The following TMEM132D variants were observed in gnomAD, a reference collection of about 807,000 sequenced individuals.
The protein encoded by TMEM132D is mature OL transmembrane protein.
A neutral mutation model predicts 62.3 loss-of-function variants in TMEM132D; 21 were observed. The ratio of observed to expected loss-of-function variants is 0.34; its 90% confidence interval spans 0.24 to 0.49. The LOEUF is 0.49. Among genes scored for constraint, TMEM132D ranks in the 20% least tolerant of loss-of-function variants. TMEM132D has a pLI of 0.99. For missense variants in TMEM132D, 1,346 were observed against 1,402.8 expected (o/e 0.96, Z 0.65); for synonymous variants, 621 against 575.6 (o/e 1.08, Z -1.13).
chr12:129,090,942 A>G (rs947728003), intron 5 of TMEM132D, among the ~76,000 whole-genome samples: 15 of 152,134 alleles, frequency 9.9e-5, no homozygotes, highest in Admixed American at 8.5e-4. Context: ...TAATAGAGAA[A>G]TGTTTCTCTC....
At chr12:129,367,201 A>G (rs985835344) in intron 3 of TMEM132D, among the ~76,000 whole-genome samples, 9 of 152,224 alleles carry the variant, frequency 5.9e-5, no homozygotes, top group African/African-American at 2.2e-4. Context: ...TTGCTGGTGT[A>G]TAGAATAAAG....
chr12:129,197,685 A>G (rs991831332), intron 5 of TMEM132D, among the ~76,000 whole-genome samples: 41 of 152,228 alleles, frequency 2.7e-4, no homozygotes, highest in African/African-American at 9.6e-4. Context: ...CTGCAAAACT[A>G]CTAGAAGAAA....
chr12:129,223,751 C>T (rs1455024115), intron 4 of TMEM132D, among the ~76,000 whole-genome samples: 2 of 152,304 alleles, frequency 1.3e-5, no homozygotes, highest in African/African-American at 4.8e-5. Context: ...CTAACTTTTA[C>T]TTTTATACTC....
intron 5 of TMEM132D, among the ~76,000 whole-genome samples, chr12:129,108,499 T>TG (rs1400768037): frequency 6.6e-6 from 1 of 152,162 alleles, no homozygotes; most frequent in Non-Finnish European, 1.5e-5. Flanking sequence ...AGCTTGTGGC[T>TG]GGGCTGTAAT....
chr12:129,452,384 G>C (rs1461153526), intron 3 of TMEM132D, among the ~76,000 whole-genome samples: 1 of 152,196 alleles, frequency 6.6e-6, no homozygotes, highest in Non-Finnish European at 1.5e-5. Flanking sequence ...AAAAGTAGCT[G>C]CTGTTTCATC....
intron 5 of TMEM132D, among the ~76,000 whole-genome samples, chr12:129,183,748 C>T (rs926641321): frequency 2.0e-5 from 3 of 152,070 alleles, no homozygotes; most frequent in Non-Finnish European, 4.4e-5. Context: ...TGGTGGCTGT[C>T]CCCTTGGGTA....
intron 3 of TMEM132D, among the ~76,000 whole-genome samples, chr12:129,475,905 A>C (rs957839082): frequency 6.6e-6 from 1 of 152,254 alleles, no homozygotes; most frequent in African/African-American, 2.4e-5. Flanking sequence ...CGGCAATTGC[A>C]TTCCTTGACA....
chr12:129,672,118 T>C (rs1417423898), intron 2 of TMEM132D, among the ~76,000 whole-genome samples: 1 of 152,146 alleles, frequency 6.6e-6, no homozygotes, highest in Non-Finnish European at 1.5e-5. Context: ...TCCAAGAACA[T>C]AGTCCTGAAG....
intron 1 of TMEM132D, among the ~76,000 whole-genome samples, chr12:129,862,390 G>A (rs536899694): frequency 6.6e-6 from 1 of 152,216 alleles, no homozygotes; most frequent in African/African-American, 2.4e-5. Context: ...GGAGCCAAGA[G>A]CGAAGGCGTT....
chr12:129,746,595 G>C (rs1869786253), intron 1 of TMEM132D, among the ~76,000 whole-genome samples: 1 of 152,142 alleles, frequency 6.6e-6, no homozygotes, highest in African/African-American at 2.4e-5. Flanking sequence ...TCTCAGCAAA[G>C]AAATGCTATT....
At position 129,794,253 on chromosome 12, in the gene TMEM132D, ATTTTT is replaced by A. The variant is rs3046861; in HGVS notation, c.80-93560_80-93556del. ...ACAGGCGTGCACCACCATGCCCAGC[ATTTTT>A]TTTTTTTTTTTTTTTGTATTTTTGG... On this transcript the variant is annotated intron_variant, in intron 1 of 8. Transcript: ENST00000422113. Among the ~76,000 whole-genome samples the A allele has an allele frequency of 4.7e-3, 528 of 111,558 alleles. 4 individuals carry two copies. The highest frequency in any genetic ancestry group is 0.017 in the African/African-American group (501 of 29,586). 73.2% of individuals were successfully genotyped at this position (111,558 alleles called of 152,430 possible).
At chr12:129,835,161 T>C (rs970895636) in intron 1 of TMEM132D, among the ~76,000 whole-genome samples, 1 of 152,142 alleles carries the variant, frequency 6.6e-6, no homozygotes, top group Admixed American at 6.5e-5. Context: ...ACAGCCCTAG[T>C]GCAAGGAGAT....
At position 129,700,107 on chromosome 12, in the gene TMEM132D, A is replaced by G. The variant is rs757795019; in HGVS notation, c.671T>C (p.Val224Ala). The G allele has an allele frequency of 5.6e-6, 9 of 1,613,378 alleles. No homozygotes were observed. The East Asian group carries it at 2.0e-4, about 36-fold the overall frequency. ...KSVDQPEGTP[V>A]ELYYTVHPGG... ...TGGGTGCACGGTGTAGTAGAGCTCC[A>G]CGGGGGTCCCCTCCGGCTGGTCCAC... The change falls in exon 2 of 9, where the codon GTG becomes GCG. Residue 224 changes from valine to alanine, a missense_variant. Physicochemically the swap from Val to Ala is moderately conservative, Grantham distance 64 (BLOSUM62 0). Coordinates refer to ENST00000422113, the MANE Select transcript of TMEM132D (RefSeq NM_133448.3).
chr12:129,374,982 C>T (rs982831757), intron 3 of TMEM132D, among the ~76,000 whole-genome samples: 4 of 152,156 alleles, frequency 2.6e-5, no homozygotes, highest in Non-Finnish European at 5.9e-5. Flanking sequence ...CCCTCCCTAC[C>T]GGGGCACATT....
chr12:129,750,155 G>A (rs982354172), intron 1 of TMEM132D, among the ~76,000 whole-genome samples: 4 of 151,736 alleles, frequency 2.6e-5, no homozygotes, highest in African/African-American at 9.7e-5. Context: ...GTGCGATCTC[G>A]GCTCCCTGCA....
chr12:129,316,599 G>C (rs1181630565), intron 4 of TMEM132D, among the ~76,000 whole-genome samples: 1 of 152,144 alleles, frequency 6.6e-6, no homozygotes, highest in Non-Finnish European at 1.5e-5. Context: ...TCCATGCGCT[G>C]TTGAATAGAA....
At chr12:129,521,229 C>A (rs1251051339) in intron 3 of TMEM132D, 1 of 152,190 alleles carries the variant, frequency 6.6e-6, no homozygotes, top group Non-Finnish European at 1.5e-5. Flanking sequence ...AATTTACACC[C>A]AGCATCTCTT....
chr12:129,716,887 A>G (rs1868598842), intron 1 of TMEM132D, among the ~76,000 whole-genome samples: 1 of 152,266 alleles, frequency 6.6e-6, no homozygotes, highest in Non-Finnish European at 1.5e-5. Flanking sequence ...ATAAACGAAC[A>G]GTGGCACCCA....
chr12:129,615,365 A>G (rs1177924650), intron 2 of TMEM132D, among the ~76,000 whole-genome samples: 1 of 152,098 alleles, frequency 6.6e-6, no homozygotes, highest in East Asian at 1.9e-4. Flanking sequence ...AGGTTACAAA[A>G]GGAGGGTTTT....
Sources: allele counts gnomAD v4.1 joint callset (sites outside exome capture counted in the v4.1 genomes callset), GRCh38; gene constraint gnomAD v4.1.1; transcripts MANE v1.5; gene names NCBI Gene and HGNC (gene_info 2026-07-23, HGNC 2026-07-21).